The following CFAP58 variants were observed in gnomAD, a reference collection of about 807,000 sequenced individuals.
The protein encoded by CFAP58 is cilia and flagella associated protein 58, also known as cilia- and flagella-associated protein 58.
In CFAP58, 88 loss-of-function variants were observed where a neutral mutation model predicts 119.5. The observed-to-expected ratio is 0.74, with a 90% CI of 0.62 to 0.88. The LOEUF (loss-of-function observed/expected upper bound fraction) is 0.88. CFAP58 is among the 40% of genes least tolerant of loss of function. The pLI is 0.00. For missense variants in CFAP58, 990 were observed against 1,021.2 expected (o/e 0.97, Z 0.42); for synonymous variants, 365 against 366.3 (o/e 1.00, Z 0.04).
chr10:104,450,669 T>TTTTATTTATTTATTTA (rs3069011), intron 17 of CFAP58, among the ~76,000 whole-genome samples: 92 of 143,346 alleles, frequency 6.4e-4, no homozygotes, highest in East Asian at 3.7e-3. Flanking sequence ...TTCACCTATG[T>TTTTATTTATTTATTTA]TTTATTTATT....
Position 104,395,467 on chromosome 10 carries a change from A to G in CFAP58, c.1674+1992A>G, listed in dbSNP as rs12262260. ...GCCCTTTCTCCCTGCATTTCCAATG[A>G]AGGCAAGAATGAGAAGCAGAGAGAG... On this transcript the variant is annotated intron_variant, in intron 11 of 17. Transcript: ENST00000369704. Among the ~76,000 whole-genome samples the G allele has an allele frequency of 1.5e-3, 235 of 152,310 alleles. 2 individuals carry two copies. Among genetic ancestry groups the G allele is most frequent in the African/African-American group, 5.3e-3 (219 of 41,576 alleles).
At chr10:104,430,614 T>A (rs1489814384) in intron 15 of CFAP58, among the ~76,000 whole-genome samples, 1 of 152,196 alleles carries the variant, frequency 6.6e-6, no homozygotes, top group Non-Finnish European at 1.5e-5. Context: ...TTCATCTAGT[T>A]TCATGCTATT....
chr10:104,346,504 C>T, the CFAP58 span, among the ~76,000 whole-genome samples: 7 of 151,874 alleles, frequency 4.6e-5, no homozygotes, highest in Non-Finnish European at 7.4e-5. Context: ...TGCAACACCA[C>T]GCCCAGCTCA....
At chr10:104,413,535 G>A (rs754211334) in intron 15 of CFAP58, among the ~76,000 whole-genome samples, 30 of 152,282 alleles carry the variant, frequency 2.0e-4, no homozygotes, top group African/African-American at 4.1e-4. Flanking sequence ...CAATGGAAAC[G>A]TACCTGAAGT....
rs185574994 is a variant in CFAP58, at chr10:104,354,070, T to C, written c.9+164T>C. 1.9e-3 allele frequency among the ~76,000 whole-genome samples: 294 copies of C among 152,316 alleles called. 2 individuals are homozygous for C. The highest frequency in any genetic ancestry group is 6.8e-3 in the Middle Eastern group (2 of 294). The stretch of plus-strand genomic sequence containing the variant: ...GCGCCTTTCTCCGTTGGCTCTGGCC[T>C]CTTTACCTCCTGTTTCTCCTTCATT... On this transcript the variant is annotated intron_variant, in intron 1 of 17. Coordinates refer to ENST00000369704, the MANE Select transcript of CFAP58 (RefSeq NM_001008723.2).
At chr10:104,378,649 G>C (rs898492645) in intron 8 of CFAP58, among the ~76,000 whole-genome samples, 5 of 152,040 alleles carry the variant, frequency 3.3e-5, no homozygotes, top group Non-Finnish European at 5.9e-5. Context: ...TGTCTCTCTC[G>C]TTTTCCAGTC....
At chr10:104,407,828 C>T (rs1336461789) in intron 15 of CFAP58, among the ~76,000 whole-genome samples, 1 of 152,166 alleles carries the variant, frequency 6.6e-6, no homozygotes, top group African/African-American at 2.4e-5. Context: ...TCCCAAGTAG[C>T]TGGGGTTACA....
chr10:104,429,495 T>A (rs574321950), intron 15 of CFAP58, among the ~76,000 whole-genome samples: 2 of 152,218 alleles, frequency 1.3e-5, no homozygotes, highest in Admixed American at 1.3e-4. Context: ...TACTGTGGCA[T>A]ATCAGCTCCT....
intron 15 of CFAP58, among the ~76,000 whole-genome samples, chr10:104,442,412 A>C (rs2013052483): frequency 6.6e-6 from 1 of 152,028 alleles, no homozygotes; most frequent in South Asian, 2.1e-4. Flanking sequence ...ACATGGTGAA[A>C]CCCCATCTCT....
At chr10:104,343,917 A>AT in the CFAP58 span, among the ~76,000 whole-genome samples, 4 of 151,914 alleles carry the variant, frequency 2.6e-5, no homozygotes, top group Non-Finnish European at 5.9e-5. Flanking sequence ...TAATTTTCCT[A>AT]TTTTTTGCAG....
chr10:104,400,703 G>A lies in CFAP58; in HGVS notation c.1839G>A (p.Leu613=). Reference sequence around the variant, plus strand: ...AGGTCATCAGTGAGAGAGATATCCTGGGGTCTCAGCTTGTTCGGCGCAATG... The same window carrying A: ...AGGTCATCAGTGAGAGAGATATCCTAGGGTCTCAGCTTGTTCGGCGCAATG... The part of the protein sequence containing the change: ...LDQVISERDI[L]GSQLVRRNDE... The change falls in exon 13 of 18, where the codon CTG becomes CTA. Residue 613 remains leucine, a synonymous_variant. Transcript: ENST00000369704. 6.2e-7 allele frequency: 1 copy of A among 1,613,964 alleles called. No individual in the cohort carries two copies. The highest frequency in any genetic ancestry group is 1.1e-5 in the South Asian group (1 of 91,062).
chr10:104,353,850 C>T lies in CFAP58; in HGVS notation c.-48C>T. 6.2e-7 allele frequency: 1 copy of T among 1,601,326 alleles called. No homozygotes were observed. The highest frequency in any genetic ancestry group is 8.5e-7 in the Non-Finnish European group (1 of 1,170,542). Reference sequence around the variant, plus strand: ...TCTTTCCCAGACTCCGGCCCAGCTCCTGCGATCTCCACAGCAGCCTCTGAG... The same window carrying T: ...TCTTTCCCAGACTCCGGCCCAGCTCTTGCGATCTCCACAGCAGCCTCTGAG... On this transcript the variant is annotated 5_prime_UTR_variant, in exon 1 of 18. Transcript: ENST00000369704.
At chr10:104,362,624 G>A (rs1188555632) in intron 3 of CFAP58, among the ~76,000 whole-genome samples, 4 of 152,068 alleles carry the variant, frequency 2.6e-5, no homozygotes, top group Non-Finnish European at 5.9e-5. Context: ...TTGTTGGCTT[G>A]GTCTTCTAAG....
At chr10:104,359,101 A>T (rs2014634459) in intron 2 of CFAP58, among the ~76,000 whole-genome samples, 1 of 152,150 alleles carries the variant, frequency 6.6e-6, no homozygotes, top group Admixed American at 6.5e-5. Flanking sequence ...GTTCCTCATA[A>T]TAGGAGAGCA....
intron 9 of CFAP58, among the ~76,000 whole-genome samples, chr10:104,385,434 T>G (rs1458799497): frequency 1.3e-5 from 2 of 151,898 alleles, no homozygotes; most frequent in Non-Finnish European, 2.9e-5. Context: ...TAAGAATCAA[T>G]TGTATAAAAA....
At position 104,392,215 on chromosome 10, in the gene CFAP58, T is replaced by C. The variant is rs1342364300; in HGVS notation, c.1366-18T>C. The C allele has an allele frequency of 3.7e-6, 6 of 1,606,824 alleles. No individual in the cohort carries two copies. The highest frequency in any genetic ancestry group is 1.1e-5 in the South Asian group (1 of 89,510). On this transcript the variant is annotated intron_variant, in intron 9 of 17. Coordinates refer to ENST00000369704, the MANE Select transcript of CFAP58 (RefSeq NM_001008723.2). ...GATGGGCTATTTAACCACATTCATA[T>C]ATGTCTTTCTCCTCCAGGTCCTTAT...
intron 3 of CFAP58, among the ~76,000 whole-genome samples, chr10:104,363,369 C>A (rs2014698033): frequency 6.6e-6 from 1 of 152,182 alleles, no homozygotes; most frequent in Non-Finnish European, 1.5e-5. Context: ...TTAACCAAAT[C>A]TAATTTTGCT....
intron 15 of CFAP58, among the ~76,000 whole-genome samples, chr10:104,438,376 T>TTTTTTTTTTTTG (rs2012977817): frequency 1.0e-5 from 1 of 96,016 alleles, no homozygotes; most frequent in African/African-American, 4.6e-5. Flanking sequence ...TTTTTTTTGT[T>TTTTTTTTTTTTG]TTTTTTTTTT....
At chr10:104,403,704 G>A (rs2012307671) in intron 13 of CFAP58, 25 bp from the exon 14 acceptor site, 1 of 1,508,486 alleles carries the variant, frequency 6.6e-7, no homozygotes, top group Non-Finnish European at 9.1e-7. Context: ...ATAATTCTTT[G>A]CAAAATCAAG....
Sources: allele counts gnomAD v4.1 joint callset (sites outside exome capture counted in the v4.1 genomes callset), GRCh38; gene constraint gnomAD v4.1.1; transcripts MANE v1.5; gene names NCBI Gene and HGNC (gene_info 2026-07-23, HGNC 2026-07-21).